Variants in BET1 observed in about 807,000 individuals in gnomAD.
The protein encoded by BET1 is Bet1 golgi vesicular membrane trafficking protein.
BET1 carries 9 observed loss-of-function variants against 13.9 expected under a neutral mutation model. The observed-to-expected ratio is 0.65, with a 90% CI of 0.39 to 1.13. The LOEUF (loss-of-function observed/expected upper bound fraction) is 1.13. BET1 is among the 50% of genes most tolerant of loss of function. The pLI is 0.01. For synonymous variants in BET1, 39 were observed against 47.3 expected (o/e 0.82, Z 0.72); for missense variants, 127 against 133.6 (o/e 0.95, Z 0.24).
At chr7:93,992,063 G>T (rs1248979468), downstream of BET1, 3 of 985,276 alleles carry the variant, frequency 3.0e-6, no homozygotes, top group Non-Finnish European at 3.6e-6. Context: ...CTGGCAGAAG[G>T]ATCCCTGGTT....
At chr7:93,989,541 T>A (rs1263308752), downstream of BET1, among the ~76,000 whole-genome samples, 1 of 152,192 alleles carries the variant, frequency 6.6e-6, no homozygotes, top group African/African-American at 2.4e-5. Context: ...ATTTGTCTTG[T>A]CCCATCTGTT....
chr7:93,972,297 G>A (rs370129926), intron 6 of BET1: 25 of 151,818 alleles, frequency 1.6e-4, no homozygotes, highest in African/African-American at 6.0e-4. Flanking sequence ...TATCATTGTC[G>A]TTGGCTTAAA....
At chr7:94,001,788 C>G (rs1434315039) in intron 1 of BET1, among the ~76,000 whole-genome samples, 1 of 152,036 alleles carries the variant, frequency 6.6e-6, no homozygotes, top group Non-Finnish European at 1.5e-5. Flanking sequence ...TAACATTTAC[C>G]CAATAAGTAA....
In BET1 at chr7:93,999,179, AG is replaced by A. The variant is rs541754296; in HGVS notation, c.134del (p.Ala45ValfsTer2). 2.3e-4 allele frequency: 368 copies of A among 1,611,196 alleles called. No individual in the cohort carries two copies. Among genetic ancestry groups the A allele is most frequent in the Non-Finnish European group, 3.0e-4 (357 of 1,178,142 alleles). ...LTESLRSKVT[A>X]IKSLSIEIGH... ...TTTGTTATATACTTACAGATTTTATAGCAGTTACTTTGCTTCTCAGACTTTC... is the reference window on the plus strand; with the variant it reads ...TTTGTTATATACTTACAGATTTTATACAGTTACTTTGCTTCTCAGACTTTC... On this transcript the variant is annotated frameshift_variant, in exon 2 of 4. Transcript: ENST00000222547. LOFTEE classifies it high-confidence loss of function.
chr7:93,996,180 G>A (rs1277847342), intron 3 of BET1, 85 bp downstream of exon 3: 7 of 1,008,060 alleles, frequency 6.9e-6, no homozygotes, highest in Non-Finnish European at 1.1e-5. Flanking sequence ...TACGATCTCT[G>A]TATTTCAAAA....
intron 4 of BET1, among the ~76,000 whole-genome samples, chr7:93,980,369 T>C (rs183260266): frequency 6.2e-4 from 94 of 152,210 alleles, no homozygotes; most frequent in Non-Finnish European, 1.0e-3. Flanking sequence ...CTGAAGATCA[T>C]AGATGCAAAA....
chr7:93,983,159 T>C (rs752244502), intron 4 of BET1, among the ~76,000 whole-genome samples: 1 of 152,174 alleles, frequency 6.6e-6, no homozygotes, highest in Non-Finnish European at 1.5e-5. Context: ...CCATGGCTTG[T>C]TGATTATTTT....
chr7:93,965,099 T>C (rs949549987), exon 7 of BET1: 1 of 152,132 alleles, frequency 6.6e-6, no homozygotes, highest in Non-Finnish European at 1.5e-5. Flanking sequence ...TGCCCGGAGC[T>C]ACACATGTTG....
chr7:93,982,413 G>C (rs776741930), intron 4 of BET1, among the ~76,000 whole-genome samples: 2 of 152,064 alleles, frequency 1.3e-5, no homozygotes, highest in Non-Finnish European at 2.9e-5. Context: ...CTGTAATTTG[G>C]TGATTCTGGT....
Position 93,993,417 on chromosome 7 carries a change from T to G in BET1, c.*813A>C, listed in dbSNP as rs1462828480. 1.1e-5 allele frequency: 11 copies of G among 983,646 alleles called. No individual in the cohort carries two copies. The highest frequency in any genetic ancestry group is 1.3e-5 in the Non-Finnish European group (11 of 827,936). The allele number at this position is 983,646 out of a possible 1,614,324, so 60.9% of individuals were successfully genotyped here. ...GATTAAAGCAATAATACTCTTATCT[T>G]CAAGTTCAATGCCTGAGTTTCTTGC... On this transcript the variant is annotated 3_prime_UTR_variant, in exon 4 of 4. Transcript: ENST00000222547.
At position 93,994,517 on chromosome 7, in the gene BET1, C is replaced by G. The variant is rs188078412; in HGVS notation, c.202-132G>C. 2.7e-4 allele frequency: 272 copies of G among 1,001,010 alleles called. No homozygotes were observed. The African/African-American group carries it at 4.0e-3, about 15-fold the overall frequency. 62.0% of individuals were successfully genotyped at this position (1,001,010 alleles called of 1,614,324 possible). A position where few individuals can be genotyped will look rare whatever the true frequency, so the allele number is the denominator to read the frequency against. On this transcript the variant is annotated intron_variant, in intron 3 of 3. Transcript: ENST00000222547. ...GTTTTGTGTTTAATCAATTCAGGAG[C>G]CTGTTGATAACCTTGGATAATCAGC...
chr7:93,987,330 T>C (rs937123976), intron 4 of BET1: 1 of 152,114 alleles, frequency 6.6e-6, no homozygotes, highest in African/African-American at 2.4e-5. Flanking sequence ...GTTGAGGAAA[T>C]GGCTAGGTTT....
In BET1 at chr7:94,002,461, A is replaced by ATT. The variant is rs1562810189; in HGVS notation, c.19+1736_19+1737insAA. On this transcript the variant is annotated intron_variant, in intron 1 of 3. Coordinates refer to ENST00000222547, the MANE Select transcript of BET1 (RefSeq NM_005868.6). ...CAATCACAGAAGAGCTTTTTTTTAA[A>ATT]AAAAAAAAAAAAAGAAAGAAAAAAA... 6.7e-3 allele frequency among the ~76,000 whole-genome samples: 901 copies of ATT among 135,194 alleles called. 3 individuals are homozygous for ATT. Among genetic ancestry groups the ATT allele is most frequent in the Middle Eastern group, 0.01 (3 of 286 alleles). 88.7% of individuals were successfully genotyped at this position (135,194 alleles called of 152,430 possible). A position where few individuals can be genotyped will look rare whatever the true frequency, so the allele number is the denominator to read the frequency against.
intron 4 of BET1, among the ~76,000 whole-genome samples, chr7:93,988,048 T>G (rs1039620866): frequency 1.3e-5 from 2 of 152,208 alleles, no homozygotes; most frequent in African/African-American, 4.8e-5. Flanking sequence ...CCATATATTT[T>G]TATTAGGGGC....
At chr7:93,976,933 T>A (rs1316742693) in intron 4 of BET1, among the ~76,000 whole-genome samples, 1 of 152,074 alleles carries the variant, frequency 6.6e-6, no homozygotes, top group African/African-American at 2.4e-5. Flanking sequence ...AGATATTTGG[T>A]TTAACATTTG....
In BET1 at chr7:93,994,012, C is replaced by T. The variant is rs1372362678; in HGVS notation, c.*218G>A. The T allele has an allele frequency of 6.6e-7, 1 of 1,509,056 alleles. No homozygotes were observed. Among genetic ancestry groups the T allele is most frequent in the Non-Finnish European group, 8.8e-7 (1 of 1,135,340 alleles). The allele number at this position is 1,509,056 out of a possible 1,614,324, so 93.5% of individuals were successfully genotyped here. A position where few individuals can be genotyped will look rare whatever the true frequency, so the allele number is the denominator to read the frequency against. On this transcript the variant is annotated 3_prime_UTR_variant, in exon 4 of 4. Coordinates refer to ENST00000222547, the MANE Select transcript of BET1 (RefSeq NM_005868.6). ...AAATTAGTGGAGCCACACCCTCTCA[C>T]TACCCCTGAAAATAGGGGCTAAAAT... is the stretch of plus-strand genomic sequence containing the variant.
intron 4 of BET1, among the ~76,000 whole-genome samples, chr7:93,978,599 T>G (rs2116058072): frequency 6.6e-6 from 1 of 152,330 alleles, no homozygotes; most frequent in South Asian, 2.1e-4. Flanking sequence ...ATATGCTTCC[T>G]TTTTCTATTT....
intron 3 of BET1, among the ~76,000 whole-genome samples, chr7:93,994,737 C>G (rs1795724276): frequency 6.6e-6 from 1 of 152,066 alleles, no homozygotes; most frequent in Non-Finnish European, 1.5e-5. Flanking sequence ...ATTTTTTTCC[C>G]CACTTTTTGT....
chr7:93,992,095 T>C (rs1420352111), downstream of BET1: 4 of 985,236 alleles, frequency 4.1e-6, no homozygotes, highest in African/African-American at 3.5e-5. Flanking sequence ...TGCCAGTGTG[T>C]CCAGAGGAGT....
Sources: allele counts gnomAD v4.1 joint callset (sites outside exome capture counted in the v4.1 genomes callset), GRCh38; gene constraint gnomAD v4.1.1; transcripts MANE v1.5; gene names NCBI Gene and HGNC (gene_info 2026-07-23, HGNC 2026-07-21).